PLOD1: variants seen among roughly 807,000 people sequenced by gnomAD.
The protein encoded by PLOD1 is procollagen-lysine,2-oxoglutarate 5-dioxygenase 1.
In PLOD1, 70 loss-of-function variants were observed where a neutral mutation model predicts 94.7. The ratio of observed to expected loss-of-function variants is 0.74; its 90% CI spans 0.61 to 0.90. The LOEUF (loss-of-function observed/expected upper bound fraction) is 0.90. Among genes scored for constraint, PLOD1 ranks in the 40% least tolerant of loss-of-function variants. The pLI is 0.00. For missense variants in PLOD1, 905 were observed against 972.7 expected, an observed-to-expected ratio of 0.93 and a Z score of 0.93; for synonymous variants, 417 against 400.2, an observed-to-expected ratio of 1.04 and a Z score of -0.50.
chr1:11,950,384 C>G lies in PLOD1; in HGVS notation c.330C>G (p.Pro110=), dbSNP rs1288630074. The G allele has an allele frequency of 6.2e-7, 1 of 1,614,054 alleles. No homozygotes were observed. The highest frequency in any genetic ancestry group is 8.5e-7 in the Non-Finnish European group (1 of 1,180,040). Reference sequence around the variant, plus strand: ...ATGACGTGCTGTTTGCATCGGGGCCCCGGGAGCTCCTGAAGAAGTTCCGGC... The same window carrying G: ...ATGACGTGCTGTTTGCATCGGGGCCGCGGGAGCTCCTGAAGAAGTTCCGGC... ...DSYDVLFASG[P]RELLKKFRQA... The change falls in exon 4 of 19, where the codon CCC becomes CCG. Residue 110 remains proline (P), a synonymous_variant. Transcript: ENST00000196061.
Position 11,952,696 on chromosome 1 carries a change from G to A in PLOD1, c.540G>A (p.Gln180=), listed in dbSNP as rs35958757. 5,679 of 1,614,034 alleles carry A rather than the reference G, an allele frequency of 3.5e-3. 168 individuals carry two copies. In the African/African-American group the frequency reaches 0.061, roughly 17 times the overall value. The part of the protein sequence containing the change: ...EWEGQDSDSD[Q]LFYTKIFLDP... The stretch of plus-strand genomic sequence containing the variant: ...AGGGCCAGGACAGCGACAGCGATCA[G>A]CTGTTTTACACCAAGATCTTCTTGG... Residue 180 remains glutamine, a synonymous_variant, in exon 5 of 19, where the codon CAG becomes CAA. Transcript: ENST00000196061.
At chr1:11,934,967 G>C in intron 1 of PLOD1, 112 bp downstream of exon 1, 2 of 1,311,824 alleles carry the variant, frequency 1.5e-6, no homozygotes, top group Non-Finnish European at 2.0e-6. Flanking sequence ...GAGGGAGTCT[G>C]GGTTCCGGCT....
chr1:11,952,632 G>C lies in PLOD1; in HGVS notation c.476G>C (p.Gly159Ala). ...ACCCACCAACCTTCAGGCTTCATCG[G>C]TTATGCCCCCAACCTCAGCAAACTG... ...KRFLGSGGFIGYAPNLSKLVA... is the reference protein window; with the variant it reads ...KRFLGSGGFIAYAPNLSKLVA... Residue 159 changes from glycine to alanine, a missense_variant, in exon 5 of 19, where the codon GGT becomes GCT. Physicochemically the swap from Gly to Ala is moderately conservative, Grantham distance 60 (BLOSUM62 0). Transcript: ENST00000196061. 1 of 1,613,874 alleles carries C rather than the reference G, an allele frequency of 6.2e-7. No individual in the cohort carries two copies. Among genetic ancestry groups the C allele is most frequent in the South Asian group, 1.1e-5 (1 of 91,074 alleles).
chr1:11,962,118 C>G (rs1645781795), intron 10 of PLOD1, among the ~76,000 whole-genome samples: 1 of 151,544 alleles, frequency 6.6e-6, no homozygotes, highest in Non-Finnish European at 1.5e-5. Flanking sequence ...TTTGTAGAGA[C>G]AGGATCTTGC....
chr1:11,944,759 G>A (rs1645638826), intron 1 of PLOD1: 1 of 952,210 alleles, frequency 1.1e-6, no homozygotes, highest in Non-Finnish European at 1.4e-6. Flanking sequence ...TGGGCCGCCT[G>A]GCGCCAGCCC....
intron 12 of PLOD1, 89 bp downstream of exon 12, chr1:11,964,389 T>G (rs1293277865): frequency 7.4e-7 from 1 of 1,357,018 alleles, no homozygotes; most frequent in Non-Finnish European, 1.0e-6. Flanking sequence ...TTATTCCTGT[T>G]CTTGTTACCC....
intron 6 of PLOD1, among the ~76,000 whole-genome samples, chr1:11,956,656 T>C (rs1645739630): frequency 6.6e-6 from 1 of 152,086 alleles, no homozygotes; most frequent in African/African-American, 2.4e-5. Context: ...CCACAACAAG[T>C]ACAGGGGTTG....
chr1:11,941,912 G>A (rs139629521), intron 1 of PLOD1, among the ~76,000 whole-genome samples: 91 of 152,062 alleles, frequency 6.0e-4, no homozygotes, highest in Non-Finnish European at 1.1e-3. Context: ...TTGAATTCCT[G>A]ACCTCAGGTG....
chr1:11,936,919 C>T (rs1569659819), intron 1 of PLOD1, among the ~76,000 whole-genome samples: 1 of 151,410 alleles, frequency 6.6e-6, no homozygotes, highest in Non-Finnish European at 1.5e-5. Context: ...GCGATCTCAG[C>T]TCACTGCAAC....
At position 11,960,768 on chromosome 1, in the gene PLOD1, G is replaced by C. The variant is rs1389548210; in HGVS notation, c.1097+1G>C. 1.6e-5 allele frequency: 26 copies of C among 1,612,650 alleles called. No homozygotes were observed. The highest frequency in any genetic ancestry group is 2.0e-5 in the Non-Finnish European group (24 of 1,179,964). ...ATGCAGATGCCAGGAACATGGGCGCGTGAGTTGTGGGCCACAGTACTCTCC... is the reference window on the plus strand; with the variant it reads ...ATGCAGATGCCAGGAACATGGGCGCCTGAGTTGTGGGCCACAGTACTCTCC... On this transcript the variant is annotated splice_donor_variant, in intron 10 of 18. Transcript: ENST00000196061. LOFTEE classifies it high-confidence loss of function.
At chr1:11,950,723 AC>A (rs1298091450) in intron 4 of PLOD1, among the ~76,000 whole-genome samples, 1 of 151,994 alleles carries the variant, frequency 6.6e-6, no homozygotes, top group Non-Finnish European at 1.5e-5. Flanking sequence ...AGCCCCATAG[AC>A]AGAACCCAGG....
intron 15 of PLOD1, chr1:11,966,538 G>A: frequency 1.9e-6 from 1 of 516,284 alleles, no homozygotes; most frequent in Non-Finnish European, 3.6e-6. Context: ...GTGGGGGGAG[G>A]CAGGATGGCC....
At chr1:11,960,407 T>C (rs1276631323) in intron 9 of PLOD1, among the ~76,000 whole-genome samples, 10 of 152,176 alleles carry the variant, frequency 6.6e-5, no homozygotes, top group Non-Finnish European at 7.3e-5. Context: ...TCTATCCTGA[T>C]GACAGAGGCT....
chr1:11,946,282 G>A (rs1645654277), intron 1 of PLOD1, among the ~76,000 whole-genome samples: 1 of 152,160 alleles, frequency 6.6e-6, no homozygotes, highest in Non-Finnish European at 1.5e-5. Context: ...GCTTCCCCAG[G>A]GCTCCCTGAG....
chr1:11,964,292 G>A lies in PLOD1; in HGVS notation c.1320G>A (p.Gly440=). Residue 440 remains glycine (G), a synonymous_variant, in exon 12 of 19, where the codon GGG becomes GGA. Coordinates refer to ENST00000196061, the MANE Select transcript of PLOD1 (RefSeq NM_000302.4). ...AGGACTACGTGGACATTGTGCAGGG[G>A]CGGCGTGTGTGAGTACCTGCAGGGT... ...RSEDYVDIVQ[G]RRVGVWNVPY... is the part of the protein sequence containing the mutation. The A allele has an allele frequency of 6.2e-7, 1 of 1,612,030 alleles. No individual in the cohort carries two copies. Among genetic ancestry groups the A allele is most frequent in the Non-Finnish European group, 8.5e-7 (1 of 1,179,226 alleles).
intron 1 of PLOD1, among the ~76,000 whole-genome samples, chr1:11,940,769 G>A (rs768802904): frequency 3.3e-5 from 5 of 152,322 alleles, no homozygotes; most frequent in African/African-American, 4.8e-5. Flanking sequence ...AAAGCAGATG[G>A]GAGGGGCCTT....
At chr1:11,949,585 A>C (rs186778400) in intron 2 of PLOD1, among the ~76,000 whole-genome samples, 188 bp from the exon 3 acceptor site, 35 of 152,104 alleles carry the variant, frequency 2.3e-4, no homozygotes, top group Non-Finnish European at 4.0e-4. Context: ...ACACGCCGCT[A>C]ATTTTTGTGT....
intron 9 of PLOD1, among the ~76,000 whole-genome samples, chr1:11,960,128 T>C (rs1645767742): frequency 1.3e-5 from 2 of 152,114 alleles, no homozygotes; most frequent in Admixed American, 6.6e-5. Context: ...CCTGCCACCA[T>C]GCCCGGCTAA....
chr1:11,964,317 T>TGGG lies in PLOD1; in HGVS notation c.1328+20_1328+22dup. 4.2e-6 allele frequency: 1 copy of TGGG among 238,148 alleles called. No homozygotes were observed. Among genetic ancestry groups the TGGG allele is most frequent in the Non-Finnish European group, 8.4e-6 (1 of 119,510 alleles). 14.8% of individuals were successfully genotyped at this position (238,148 alleles called of 1,614,324 possible). On this transcript the variant is annotated intron_variant, in intron 12 of 18. Coordinates refer to ENST00000196061, the MANE Select transcript of PLOD1 (RefSeq NM_000302.4). ...GCGGCGTGTGTGAGTACCTGCAGGGTGGGGGTGGGTGGGGGACACCTTCAT... is the reference window on the plus strand; with the variant it reads ...GCGGCGTGTGTGAGTACCTGCAGGGTGGGGGGGGTGGGTGGGGGACACCTTCAT...
Sources: gnomAD v4.1 joint callset for allele counts (sites outside exome capture counted in the v4.1 genomes callset) on GRCh38, gnomAD v4.1.1 for gene constraint, MANE v1.5 for transcripts, NCBI Gene and HGNC (gene_info 2026-07-23, HGNC 2026-07-21) for gene names.